Variants in FOLH1 observed in about 807,000 individuals in gnomAD.
The protein encoded by FOLH1 is glutamate carboxypeptidase 2.
FOLH1 carries 54 observed loss-of-function variants against 93.9 expected under a neutral mutation model. The observed-to-expected ratio is 0.57, with a 90% confidence interval of 0.46 to 0.72. FOLH1 has a LOEUF of 0.72. Ranked by LOEUF, FOLH1 falls within the 30% of genes least tolerant of loss-of-function variation. The pLI is 0.00. For missense variants in FOLH1, 571 were observed against 892.5 expected (o/e 0.64, Z 4.59); for synonymous variants, 249 against 303.6 (o/e 0.82, Z 1.87).
At chr11:49,173,216 A>G in intron 10 of FOLH1, 141 bp downstream of exon 10, 1 of 829,910 alleles carries the variant, frequency 1.2e-6, no homozygotes. Flanking sequence ...CAATATAATT[A>G]ACCAACCAAC....
At chr11:49,177,704 T>C (rs1860225948) in intron 7 of FOLH1, among the ~76,000 whole-genome samples, 1 of 150,524 alleles carries the variant, frequency 6.6e-6, no homozygotes, top group South Asian at 2.1e-4. Flanking sequence ...TCCCAGCACT[T>C]TGGGAGGGCG....
intron 17 of FOLH1, among the ~76,000 whole-genome samples, chr11:49,150,052 C>G (rs1487901760): frequency 6.6e-6 from 1 of 152,088 alleles, no homozygotes; most frequent in African/African-American, 2.4e-5. Flanking sequence ...AACACCTGAG[C>G]TCAAGCAATT....
chr11:49,169,955 A>T (rs1408748471), intron 11 of FOLH1, among the ~76,000 whole-genome samples: 2 of 152,210 alleles, frequency 1.3e-5, no homozygotes, highest in South Asian at 4.1e-4. Context: ...CACAAATTAC[A>T]CCGTCAAAAT....
chr11:49,185,277 A>G (rs1451027502), intron 6 of FOLH1, among the ~76,000 whole-genome samples: 2 of 152,176 alleles, frequency 1.3e-5, no homozygotes, highest in Admixed American at 6.5e-5. Context: ...TTGAGTAGAC[A>G]TAAGTCTGTT....
In FOLH1 at chr11:49,153,877, T is replaced by A. The variant is rs1267904723; in HGVS notation, c.1939A>T (p.Ser647Cys). ...TTGTCAAAGTCCTGGAGTCTCTCACTGAACTTGGAAGCAATTTCTGTAAAA... is the reference window on the plus strand; with the variant it reads ...TTGTCAAAGTCCTGGAGTCTCTCACAGAACTTGGAAGCAATTTCTGTAAAA... ...KNFTEIASKF[S>C]ERLQDFDKSN... The change falls in exon 17 of 19, where the codon AGT becomes TGT. Residue 647 changes from serine (S) to cysteine (C), a missense_variant. Coordinates refer to ENST00000256999, the MANE Select transcript of FOLH1 (RefSeq NM_004476.3). 2.9e-5 allele frequency: 46 copies of A among 1,607,300 alleles called. No individual in the cohort carries two copies. Among genetic ancestry groups the A allele is most frequent in the Non-Finnish European group, 3.8e-5 (45 of 1,176,868 alleles).
At chr11:49,159,130 C>T (rs918646092) in intron 13 of FOLH1, among the ~76,000 whole-genome samples, 6 of 152,040 alleles carry the variant, frequency 3.9e-5, no homozygotes, top group African/African-American at 1.2e-4. Flanking sequence ...ATTTTTTTAT[C>T]TTGCCTGATT....
At chr11:49,164,018 T>C (rs934753899) in intron 13 of FOLH1, among the ~76,000 whole-genome samples, 2 of 152,172 alleles carry the variant, frequency 1.3e-5, no homozygotes, top group African/African-American at 4.8e-5. Flanking sequence ...GGTTGTTTCC[T>C]TGATTAGTCC....
At chr11:49,202,170 T>G (rs1863327242) in intron 2 of FOLH1, among the ~76,000 whole-genome samples, 1 of 152,238 alleles carries the variant, frequency 6.6e-6, no homozygotes, top group Admixed American at 6.5e-5. Flanking sequence ...GTCTCACTAC[T>G]TCACAAAGAC....
intron 3 of FOLH1, among the ~76,000 whole-genome samples, chr11:49,197,305 A>T (rs1282192843): frequency 1.3e-5 from 2 of 152,194 alleles, no homozygotes; most frequent in Non-Finnish European, 2.9e-5. Flanking sequence ...AAGTAAGAAA[A>T]GTTTTTAATG....
At chr11:49,194,504 A>G (rs1590663575) in intron 3 of FOLH1, among the ~76,000 whole-genome samples, 1 of 152,268 alleles carries the variant, frequency 6.6e-6, no homozygotes, top group South Asian at 2.1e-4. Context: ...ATATATAACA[A>G]AAGTGAAAGT....
intron 9 of FOLH1, among the ~76,000 whole-genome samples, chr11:49,174,407 T>A (rs1238923813): frequency 2.0e-5 from 3 of 152,300 alleles, no homozygotes; most frequent in Middle Eastern, 3.4e-3. Context: ...TCTGAACTTC[T>A]ATGGAAATCA....
chr11:49,201,576 G>A (rs1863261441), intron 2 of FOLH1, among the ~76,000 whole-genome samples: 1 of 151,822 alleles, frequency 6.6e-6, no homozygotes, highest in South Asian at 2.1e-4. Flanking sequence ...TCCTCGTTTG[G>A]TAAATGTTTA....
At position 49,151,414 on chromosome 11, in the gene FOLH1, GCA is replaced by G. The variant is rs556418726; in HGVS notation, c.1970+2430_1970+2431del. 3.7e-3 allele frequency among the ~76,000 whole-genome samples: 547 copies of G among 146,374 alleles called. 4 individuals are homozygous for G. The highest frequency in any genetic ancestry group is 0.013 in the African/African-American group (502 of 39,080). ...CGTAAATGCGCGCGTGCGCGTGCGT[GCA>G]CACACACACACAGACACACACACAC... On this transcript the variant is annotated intron_variant, in intron 17 of 18. Transcript: ENST00000256999.
intron 6 of FOLH1, among the ~76,000 whole-genome samples, chr11:49,184,290 G>GC (rs1861126265): frequency 6.6e-6 from 1 of 151,992 alleles, no homozygotes; most frequent in Non-Finnish European, 1.5e-5. Flanking sequence ...TTAGAATTAT[G>GC]CCATAATAAA....
chr11:49,147,208 C>T (rs1565120283), intron 18 of FOLH1, among the ~76,000 whole-genome samples: 1 of 152,108 alleles, frequency 6.6e-6, no homozygotes, highest in Non-Finnish European at 1.5e-5. Context: ...AGCAATCATT[C>T]TTGGTATTTA....
intron 3 of FOLH1, among the ~76,000 whole-genome samples, chr11:49,197,784 A>G (rs1590678235): frequency 6.6e-6 from 1 of 152,198 alleles, no homozygotes; most frequent in East Asian, 1.9e-4. Context: ...CACAATGTCA[A>G]TAGATAATGC....
intron 13 of FOLH1, among the ~76,000 whole-genome samples, chr11:49,161,381 G>GC (rs1480144165): frequency 1.3e-5 from 2 of 152,058 alleles, no homozygotes; most frequent in East Asian, 3.9e-4. Context: ...GTTACGTGAT[G>GC]CCCTTCTTTG....
intron 7 of FOLH1, among the ~76,000 whole-genome samples, chr11:49,176,277 G>A (rs1269878556): frequency 1.3e-5 from 2 of 152,118 alleles, no homozygotes. Context: ...GCTTTCCAGA[G>A]CATGTGCTGA....
intron 12 of FOLH1, among the ~76,000 whole-genome samples, chr11:49,167,099 A>G (rs1450986998): frequency 2.6e-5 from 4 of 152,200 alleles, no homozygotes; most frequent in East Asian, 1.9e-4. Flanking sequence ...CTATGTTTCA[A>G]GAAAATATAT....
Sources: gnomAD v4.1 joint callset for allele counts (sites outside exome capture counted in the v4.1 genomes callset) on GRCh38, gnomAD v4.1.1 for gene constraint, MANE v1.5 for transcripts, NCBI Gene and HGNC (gene_info 2026-07-23, HGNC 2026-07-21) for gene names.